Variants in PKD1 observed in about 807,000 individuals in gnomAD.
PKD1 encodes polycystin-1.
In PKD1, 81 loss-of-function variants were observed where a neutral mutation model predicts 361.7. That is an observed-to-expected ratio of 0.22 (90% CI 0.19 to 0.27). The LOEUF (loss-of-function observed/expected upper bound fraction) is 0.27. Among genes scored for constraint, PKD1 ranks in the 10% least tolerant of loss-of-function variants. The probability of loss-of-function intolerance (pLI) is 1.00; values close to 1 mark genes in which losing one functional copy is unlikely to be tolerated. For missense variants in PKD1, 6,399 were observed against 6,118.3 expected (o/e 1.05, Z -1.53); for synonymous variants, 3,615 against 2,818.3 (o/e 1.28, Z -8.95).
rs372105572 is a variant in PKD1 at position 2,090,547 on chromosome 16, G to A, written c.12182C>T (p.Ala4061Val). Residue 4061 changes from alanine to valine, a missense_variant, in exon 45 of 46, where the codon GCC becomes GTC. By Grantham distance (64) the Ala-to-Val change is moderately conservative (BLOSUM62 0). Coordinates refer to ENST00000262304, the MANE Select transcript of PKD1 (RefSeq NM_001009944.3). ...AGTCCCAGGGCACAGCACCAACAGG[G>A]CCTGGGCCACGCTCCAGAGGGAGTC... Reference protein sequence around the residue: ...CVDSLWSVAQALLVLCPGTGL... With the variant: ...CVDSLWSVAQVLLVLCPGTGL... The A allele has an allele frequency of 1.3e-5, 21 of 1,609,846 alleles. No individual in the cohort carries two copies. The highest frequency in any genetic ancestry group is 1.7e-5 in the Non-Finnish European group (20 of 1,179,466).
chr16:2,106,934 A>G lies in PKD1; in HGVS notation c.7080T>C (p.Ser2360=). ...EATNQTVLIR[S]GRVPIVSLEC... ...CCAAGGACACAATGGGCACCCGGCC[A>G]CTCCGGATCAGCACCTGGCGTGGGA... is the stretch of plus-strand genomic sequence containing the variant. Residue 2360 remains serine (S), a synonymous_variant, in exon 17 of 46, where the codon AGT becomes AGC. Transcript: ENST00000262304. The surrounding 1 kb of genome is among the most constrained non-coding windows in gnomAD (Gnocchi z 6.5). 1.3e-6 allele frequency: 2 copies of G among 1,584,514 alleles called. No homozygotes were observed. The highest frequency in any genetic ancestry group is 1.7e-6 in the Non-Finnish European group (2 of 1,170,966).
In PKD1 at chr16:2,102,533, A is replaced by C; in HGVS notation, c.9049T>G (p.Tyr3017Asp). 6.2e-7 allele frequency: 1 copy of C among 1,609,620 alleles called. No individual in the cohort carries two copies. The highest frequency in any genetic ancestry group is 8.5e-7 in the Non-Finnish European group (1 of 1,179,256). ...CACACCATGTCCTCCTCGCTGAAGT[A>C]CTGGCACAGGGACGTGTACAGGCCC... Reference protein sequence around the residue: ...SVGLYTSLCQYFSEEDMVWRT... With the variant: ...SVGLYTSLCQDFSEEDMVWRT... Residue 3017 changes from tyrosine (Y) to aspartate (D), a missense_variant, in exon 25 of 46, where the codon TAC (tyrosine) becomes GAC (aspartate). Tyr to Asp is a radical substitution (Grantham distance 160). Coordinates refer to ENST00000262304, the MANE Select transcript of PKD1 (RefSeq NM_001009944.3).
chr16:2,101,284 G>A (rs928601447), intron 26 of PKD1, among the ~76,000 whole-genome samples: 9 of 152,042 alleles, frequency 5.9e-5, no homozygotes, highest in African/African-American at 1.7e-4. Context: ...GCGCCCGGCC[G>A]ACAGTTTTTA....
At position 2,093,035 on chromosome 16, in the gene PKD1, G is replaced by T; in HGVS notation, c.11075C>A (p.Ala3692Asp). The T allele has an allele frequency of 6.2e-7, 1 of 1,612,900 alleles. No individual in the cohort carries two copies. ...ACGGTAGGCGTGCCCATGGCATGAG[G>T]CATCCCCATAGCTGGCCAGCAGGGT... ...LVTLLASYGD[A>D]SCHGHAYRLQ... The change falls in exon 38 of 46, where the codon GCC becomes GAC. Residue 3692 changes from alanine to aspartate, a missense_variant. Physicochemically the swap from Ala to Asp is moderately radical, Grantham distance 126. Transcript: ENST00000262304.
rs753263566 is a variant in PKD1 at position 2,111,690 on chromosome 16, G to A, written c.3477C>T (p.Tyr1159=). 5.7e-6 allele frequency: 9 copies of A among 1,581,802 alleles called. No individual in the cohort carries two copies. In the South Asian group the frequency reaches 5.7e-5, roughly 10 times the overall value. Residue 1159 remains tyrosine, a synonymous_variant, in exon 15 of 46, where the codon TAC becomes TAT. Coordinates refer to ENST00000262304, the MANE Select transcript of PKD1 (RefSeq NM_001009944.3). The part of the protein sequence containing the change: ...HPLPSPGGVL[Y]TWDFGDGSPV... ...GGGAGCCGTCCCCGAAGTCCCACGT[G>A]TAAAGAACACCCCCAGGCGAGGGCA...
chr16:2,109,978 G>A lies in PKD1; in HGVS notation c.5189C>T (p.Ala1730Val), dbSNP rs1375198710. ...GAGGGTGACGCTTGTGTTGACGGCA[G>A]CTGGGTTCGGGGAGGCGGCCACCAT... ...WLMVAASPNP[A>V]AVNTSVTLSA... The change falls in exon 15 of 46, where the codon GCT (alanine) becomes GTT (valine). Residue 1730 changes from alanine to valine, a missense_variant. Physicochemically the swap from Ala to Val is moderately conservative, Grantham distance 64. Transcript: ENST00000262304. 1 of 1,610,026 alleles carries A rather than the reference G, an allele frequency of 6.2e-7. No homozygotes were observed.
chr16:2,127,236 A>T (rs1165120655), intron 1 of PKD1, among the ~76,000 whole-genome samples: 1 of 152,260 alleles, frequency 6.6e-6, no homozygotes, highest in Non-Finnish European at 1.5e-5. Flanking sequence ...GCCACTCGCC[A>T]GCTTACGTCA....
Position 2,102,446 on chromosome 16 carries a change from G to A in PKD1, c.9136C>T (p.Arg3046Cys), listed in dbSNP as rs773857360. The change falls in exon 25 of 46, where the codon CGC (arginine) becomes TGC (cysteine). Residue 3046 changes from arginine to cysteine, a missense_variant. Physicochemically the swap from Arg to Cys is radical, Grantham distance 180. Transcript: ENST00000262304. ...TSPRQAVCLT[R>C]HLTAFGASLF... is the part of the protein sequence containing the mutation. ...CTGGCGCCGAAGGCGGTGAGGTGGC[G>A]GGTGAGGCAGACGGCCTGGCGGGGC... The A allele has an allele frequency of 5.1e-5, 79 of 1,552,018 alleles. No homozygotes were observed. In the East Asian group the frequency reaches 1.3e-3, roughly 26 times the overall value.
chr16:2,111,158 T>C lies in PKD1; in HGVS notation c.4009A>G (p.Thr1337Ala), dbSNP rs1320658607. The change falls in exon 15 of 46, where the codon ACG (threonine) becomes GCG (alanine). Residue 1337 changes from threonine to alanine, a missense_variant. Physicochemically the swap from Thr to Ala is moderately conservative, Grantham distance 58. Coordinates refer to ENST00000262304, the MANE Select transcript of PKD1 (RefSeq NM_001009944.3). ...DWTFGDGSSNTTVRGCPTVTH... is the reference protein window; with the variant it reads ...DWTFGDGSSNATVRGCPTVTH... ...ACCGTCGGGCACCCCCGCACGGTCG[T>C]GTTGGAGGAGCCATCCCCGAAGGTC... is the stretch of plus-strand genomic sequence containing the variant. 3.1e-6 allele frequency: 5 copies of C among 1,611,070 alleles called. No individual in the cohort carries two copies. The highest frequency in any genetic ancestry group is 1.3e-5 in the African/African-American group (1 of 74,878).
intron 34 of PKD1, among the ~76,000 whole-genome samples, chr16:2,096,549 C>T (rs1373116286): frequency 6.6e-6 from 1 of 151,994 alleles, no homozygotes; most frequent in Non-Finnish European, 1.5e-5. Context: ...GAGTTTCGCT[C>T]TTGTTGCCCA....
rs528956397 is a variant in PKD1, at chr16:2,108,577, C to A, written c.6590G>T (p.Arg2197Leu). 3 of 1,563,514 alleles carry A rather than the reference C, an allele frequency of 1.9e-6. No individual in the cohort carries two copies. The highest frequency in any genetic ancestry group is 1.9e-5 in the Admixed American group (1 of 52,926). The change falls in exon 15 of 46, where the codon CGG becomes CTG. Residue 2197 changes from arginine (R) to leucine (L), a missense_variant. Arg to Leu is a moderately radical substitution (Grantham distance 102). Transcript: ENST00000262304. Reference protein sequence around the residue: ...WEVYRTASCQRPGRPARVALP... With the variant: ...WEVYRTASCQLPGRPARVALP... ...GGCCACACGCGCTGGGCGCCCCGGCCGCTGGCAGCTGGCGGTGCGATACAC... is the reference window on the plus strand; with the variant it reads ...GGCCACACGCGCTGGGCGCCCCGGCAGCTGGCAGCTGGCGGTGCGATACAC...
Position 2,102,261 on chromosome 16 carries a change from G to A in PKD1, c.9202-5C>T, listed in dbSNP as rs1463060915. Reference sequence around the variant, plus strand: ...GTTTACATCCGCTGTCGGCTCCTGTGAGGACACAGCCGCCGGGCCCAGGAG... The same window carrying A: ...GTTTACATCCGCTGTCGGCTCCTGTAAGGACACAGCCGCCGGGCCCAGGAG... On this transcript the variant is annotated splice_polypyrimidine_tract_variant and splice_region_variant and intron_variant, in intron 25 of 45. Coordinates refer to ENST00000262304, the MANE Select transcript of PKD1 (RefSeq NM_001009944.3). The A allele has an allele frequency of 2.6e-6, 4 of 1,517,094 alleles. No homozygotes were observed. In the South Asian group the frequency reaches 4.6e-5, roughly 17 times the overall value. 94.0% of individuals were successfully genotyped at this position (1,517,094 alleles called of 1,614,324 possible).
chr16:2,129,710 C>G (rs2092845367), intron 1 of PKD1, among the ~76,000 whole-genome samples: 1 of 151,660 alleles, frequency 6.6e-6, no homozygotes, highest in African/African-American at 2.4e-5. Flanking sequence ...CCACCACGCC[C>G]GGCCAATGTT....
In PKD1 at chr16:2,106,898, G is replaced by C; in HGVS notation, c.7116C>G (p.Ser2372=). 1.3e-6 allele frequency: 2 copies of C among 1,563,138 alleles called. No individual in the cohort carries two copies. Among genetic ancestry groups the C allele is most frequent in the Non-Finnish European group, 1.7e-6 (2 of 1,152,502 alleles). ...CTTCGTACACGGCCTGTGCCTTGCA[G>C]GACACACACTCCAAGGACACAATGG... ...RVPIVSLECV[S]CKAQAVYEVS... Residue 2372 remains serine, a synonymous_variant, in exon 17 of 46, where the codon TCC becomes TCG. Coordinates refer to ENST00000262304, the MANE Select transcript of PKD1 (RefSeq NM_001009944.3). The surrounding 1 kb of genome is among the most constrained non-coding windows in gnomAD (Gnocchi z 6.5).
At chr16:2,132,985 G>A (rs2092905623) in intron 1 of PKD1, 1 of 151,176 alleles carries the variant, frequency 6.6e-6, no homozygotes, top group East Asian at 2.0e-4. Flanking sequence ...GGAGGCTGAG[G>A]CAGGAAAAAG....
chr16:2,132,574 CAAAAAAAAAAAA>C (rs57615937), intron 1 of PKD1, among the ~76,000 whole-genome samples: 22 of 43,252 alleles, frequency 5.1e-4, no homozygotes, highest in Admixed American at 2.6e-3. Flanking sequence ...GACTCCGTCT[CAAAAAAAAAAAA>C]AAAAAGAAAA....
chr16:2,094,098 T>G lies in PKD1; in HGVS notation c.10612A>C (p.Arg3538=). The change falls in exon 35 of 46, where the codon AGG becomes CGG. Residue 3538 remains arginine (R), a synonymous_variant. Coordinates refer to ENST00000262304, the MANE Select transcript of PKD1 (RefSeq NM_001009944.3). ...CGGGGCTACGCAAGCACACCTGTCC[T>G]GGACAGCCTCGCTGCCTGGGGCTGT... is the stretch of plus-strand genomic sequence containing the variant. The part of the protein sequence containing the change: ...WEQPQAARLS[R]TGLVEGLRKR... The G allele has an allele frequency of 6.3e-7, 1 of 1,591,868 alleles. No individual in the cohort carries two copies. The highest frequency in any genetic ancestry group is 2.3e-5 in the East Asian group (1 of 44,022).
Position 2,092,992 on chromosome 16 carries a change from C to T in PKD1, c.11118G>A (p.Lys3706=), listed in dbSNP as rs568864622. The part of the protein sequence containing the change: ...GHAYRLQSAI[K]QELHSRAFLA... ...GGAAGGCCCGGCTGTGCAGCTCCTGCTTGATGGCGCTTTGCAGACGGTAGG... is the reference window on the plus strand; with the variant it reads ...GGAAGGCCCGGCTGTGCAGCTCCTGTTTGATGGCGCTTTGCAGACGGTAGG... Residue 3706 remains lysine, a synonymous_variant, in exon 38 of 46, where the codon AAG becomes AAA. Transcript: ENST00000262304. 1.1e-5 allele frequency: 17 copies of T among 1,612,900 alleles called. No homozygotes were observed. The highest frequency in any genetic ancestry group is 1.3e-5 in the Non-Finnish European group (15 of 1,180,022).
rs890239752 is a variant in PKD1, at chr16:2,091,066, G to A, written c.11821C>T (p.Leu3941=). 5.9e-6 allele frequency: 9 copies of A among 1,517,410 alleles called. 1 individual carries two copies. The highest frequency in any genetic ancestry group is 5.6e-5 in the African/African-American group (4 of 71,230). The allele number at this position is 1,517,410 out of a possible 1,614,324, so 94.0% of individuals were successfully genotyped here. A position where few individuals can be genotyped will look rare whatever the true frequency, so the allele number is the denominator to read the frequency against. Residue 3941 remains leucine, a synonymous_variant, in exon 43 of 46, where the codon CTG becomes TTG. Coordinates refer to ENST00000262304, the MANE Select transcript of PKD1 (RefSeq NM_001009944.3). ...LRLGAWARWL[L]VALTAATALV... is the part of the protein sequence containing the mutation. ...GCCGTGGCCGCCGTCAGCGCCACCA[G>A]CAGCCACCGCGCCCAGGCTCCGAGC...
Sources: gnomAD v4.1 joint callset for allele counts (sites outside exome capture counted in the v4.1 genomes callset) on GRCh38, gnomAD v4.1.1 for gene constraint, Gnocchi (gnomAD v3.1) non-coding constraint, MANE v1.5 for transcripts, NCBI Gene and HGNC (gene_info 2026-07-23, HGNC 2026-07-21) for gene names.